The following EYS variants were observed in gnomAD, a reference collection of about 807,000 sequenced individuals.
EYS encodes the protein EGF-like photoreceptor maintenance factor, also known as protein eyes shut homolog.
Under a neutral mutation model 282.1 loss-of-function variants are expected in EYS, and 250 were observed. That is an observed-to-expected ratio of 0.89 (90% CI 0.80 to 0.98). EYS has a LOEUF of 0.98. EYS is among the 50% of genes least tolerant of loss of function. The probability of loss-of-function intolerance (pLI) is 0.00; values close to 1 mark genes in which losing one functional copy is unlikely to be tolerated. For missense variants in EYS, 4,016 were observed against 3,709.0 expected, an observed-to-expected ratio of 1.08 and a Z score of -2.15; for synonymous variants, 1,355 against 1,282.9, an observed-to-expected ratio of 1.06 and a Z score of -1.20.
At chr6:64,526,976 A>G (rs1390143615) in intron 26 of EYS, among the ~76,000 whole-genome samples, 1 of 151,812 alleles carries the variant, frequency 6.6e-6, no homozygotes, top group East Asian at 1.9e-4. Context: ...TACAAAACAG[A>G]GCACAGAGAG....
chr6:64,225,435 C>T (rs1298871223), intron 31 of EYS, among the ~76,000 whole-genome samples: 9 of 151,942 alleles, frequency 5.9e-5, no homozygotes, highest in Non-Finnish European at 1.0e-4. Context: ...CCTGGATTAT[C>T]TCAGTGGGCC....
At chr6:65,165,566 G>A (rs1025697408) in intron 12 of EYS, among the ~76,000 whole-genome samples, 2 of 150,862 alleles carry the variant, frequency 1.3e-5, no homozygotes, top group South Asian at 2.1e-4. Flanking sequence ...TTCATTAACA[G>A]TTCACTTTTT....
chr6:65,123,756 A>ACC (rs1554157086), intron 12 of EYS, among the ~76,000 whole-genome samples: 1 of 137,506 alleles, frequency 7.3e-6, no homozygotes, highest in Non-Finnish European at 1.6e-5. Flanking sequence ...ACACCCACCC[A>ACC]CCCACACACA....
chr6:63,986,394 C>A (rs1767368750), intron 34 of EYS, among the ~76,000 whole-genome samples: 1 of 151,786 alleles, frequency 6.6e-6, no homozygotes, highest in African/African-American at 2.4e-5. Flanking sequence ...AGCAAAACTA[C>A]CATTTGGCCC....
At chr6:65,412,337 G>A (rs1050903053) in intron 5 of EYS, among the ~76,000 whole-genome samples, 2 of 152,132 alleles carry the variant, frequency 1.3e-5, no homozygotes. Context: ...CAGTGTGAAA[G>A]TAAATTTTTA....
At chr6:64,759,024 A>C (rs1773072307) in intron 22 of EYS, among the ~76,000 whole-genome samples, 1 of 152,188 alleles carries the variant, frequency 6.6e-6, no homozygotes, top group Non-Finnish European at 1.5e-5. Flanking sequence ...CTGTAGTCCC[A>C]GCTACTCGGG....
intron 12 of EYS, among the ~76,000 whole-genome samples, chr6:65,265,600 T>C (rs1052488818): frequency 1.3e-5 from 2 of 151,982 alleles, no homozygotes; most frequent in African/African-American, 2.4e-5. Flanking sequence ...CCACTTCCAA[T>C]TGTTTAAAGT....
intron 7 of EYS, among the ~76,000 whole-genome samples, chr6:65,396,886 CCTAT>C (rs1326482943): frequency 6.6e-6 from 1 of 151,800 alleles, no homozygotes; most frequent in African/African-American, 2.4e-5. Flanking sequence ...CATCTGCCAT[CCTAT>C]CTAAGCTAAC....
intron 31 of EYS, among the ~76,000 whole-genome samples, chr6:64,108,993 A>T (rs1175980823): frequency 6.6e-6 from 1 of 152,140 alleles, no homozygotes; most frequent in East Asian, 1.9e-4. Context: ...CTCAGGAACA[A>T]GTAAAGGTCA....
chr6:64,128,270 A>G (rs1582310608), intron 31 of EYS, among the ~76,000 whole-genome samples: 1 of 152,148 alleles, frequency 6.6e-6, no homozygotes, highest in Admixed American at 6.5e-5. Flanking sequence ...AATTTTGTGC[A>G]TCATTGCCCC....
intron 5 of EYS, among the ~76,000 whole-genome samples, chr6:65,443,056 G>A (rs1428490865): frequency 6.6e-6 from 1 of 151,318 alleles, no homozygotes; most frequent in East Asian, 2.0e-4. Context: ...ACGGGAGCAT[G>A]CATATATGTG....
intron 33 of EYS, among the ~76,000 whole-genome samples, chr6:64,008,928 T>C (rs1474840855): frequency 1.3e-5 from 2 of 152,196 alleles, no homozygotes; most frequent in African/African-American, 4.8e-5. Context: ...TTGGAGAATC[T>C]GACGACTATG....
chr6:65,118,321 A>G (rs1291596729), intron 12 of EYS, among the ~76,000 whole-genome samples: 1 of 151,726 alleles, frequency 6.6e-6, no homozygotes, highest in Non-Finnish European at 1.5e-5. Context: ...GTTAGGCTTC[A>G]TTTAGAAAAT....
chr6:65,196,495 C>T (rs1331842346), intron 12 of EYS, among the ~76,000 whole-genome samples: 1 of 152,086 alleles, frequency 6.6e-6, no homozygotes, highest in Non-Finnish European at 1.5e-5. Flanking sequence ...CTCATTCAAT[C>T]ACCTGCATAG....
intron 2 of EYS, among the ~76,000 whole-genome samples, chr6:65,561,996 T>A (rs1334526383): frequency 1.3e-5 from 2 of 151,380 alleles, no homozygotes; most frequent in Non-Finnish European, 2.9e-5. Flanking sequence ...TTTTTCATTG[T>A]AAAATTTTTT....
intron 31 of EYS, among the ~76,000 whole-genome samples, chr6:64,145,418 T>TAA (rs1774481135): frequency 6.6e-6 from 1 of 152,196 alleles, no homozygotes; most frequent in African/African-American, 2.4e-5. Context: ...CACTTAGAAA[T>TAA]AAAAGTGTGA....
chr6:64,534,148 T>A (rs1764442522), intron 26 of EYS, among the ~76,000 whole-genome samples: 1 of 151,716 alleles, frequency 6.6e-6, no homozygotes, highest in East Asian at 1.9e-4. Context: ...TCTCTACATT[T>A]AGAGATCTAA....
chr6:65,518,977 A>G (rs1767244149), intron 2 of EYS, among the ~76,000 whole-genome samples: 1 of 152,136 alleles, frequency 6.6e-6, no homozygotes, highest in African/African-American at 2.4e-5. Flanking sequence ...TTAGGTGGGG[A>G]CACAGCCAAA....
chr6:64,617,371 A>G, intron 24 of EYS, 47 bp downstream of exon 24: 2 of 1,228,048 alleles, frequency 1.6e-6, no homozygotes, highest in African/African-American at 3.0e-5. Flanking sequence ...ACTGTGTATC[A>G]AAGAGAATAA....
Sources: allele counts gnomAD v4.1 joint callset (sites outside exome capture counted in the v4.1 genomes callset), GRCh38; gene constraint gnomAD v4.1.1; transcripts MANE v1.5; gene names NCBI Gene and HGNC (gene_info 2026-07-23, HGNC 2026-07-21).